Variants in GLRX2 observed in about 807,000 individuals in gnomAD.
The protein encoded by GLRX2 is bA101E13.1 (GRX2 glutaredoxin (thioltransferase) 2).
GLRX2 carries 12 observed loss-of-function variants against 16.4 expected under a neutral mutation model. That is an observed-to-expected ratio of 0.73 (90% CI 0.47 to 1.19). The LOEUF is 1.19. GLRX2 is among the 50% of genes most tolerant of loss of function. The pLI, the probability that GLRX2 is intolerant of heterozygous loss-of-function variation, is 0.00. For synonymous variants in GLRX2, 95 were observed against 76.2 expected, an observed-to-expected ratio of 1.25 and a Z score of -1.28; for missense variants, 201 against 201.8, an observed-to-expected ratio of 1.00 and a Z score of 0.02.
At chr1:193,103,723 G>A (rs535127193) in intron 1 of GLRX2, among the ~76,000 whole-genome samples, 1 of 151,992 alleles carries the variant, frequency 6.6e-6, no homozygotes, top group African/African-American at 2.4e-5. Context: ...TAAGAGACAG[G>A]AATTAAACAT....
intron 2 of GLRX2, among the ~76,000 whole-genome samples, chr1:193,098,806 C>T (rs564237469): frequency 6.6e-6 from 1 of 152,264 alleles, no homozygotes; most frequent in African/African-American, 2.4e-5. Flanking sequence ...CCGCCTCAGC[C>T]TCCCAAAGTG....
At chr1:193,097,444 A>C in intron 3 of GLRX2, 140 bp downstream of exon 3, 1 of 555,280 alleles carries the variant, frequency 1.8e-6, no homozygotes, top group Middle Eastern at 2.8e-4. Flanking sequence ...CTATTCTAAG[A>C]ATCTGGTTCC....
intron 1 of GLRX2, among the ~76,000 whole-genome samples, chr1:193,104,212 C>G (rs890247429): frequency 1.3e-5 from 2 of 152,204 alleles, no homozygotes; most frequent in Non-Finnish European, 2.9e-5. Flanking sequence ...CACCCTTTCC[C>G]TTCAATTTCT....
At chr1:193,100,662 T>C (rs1241151623) in intron 2 of GLRX2, among the ~76,000 whole-genome samples, 2 of 140,656 alleles carry the variant, frequency 1.4e-5, no homozygotes, top group Non-Finnish European at 2.9e-5. Flanking sequence ...GTAAGAGAGA[T>C]TTTCTAAGGC....
upstream of GLRX2, chr1:193,105,435 G>C: frequency 6.9e-7 from 1 of 1,457,154 alleles, no homozygotes; most frequent in African/African-American, 1.5e-5. Context: ...GCGGATCCCG[G>C]GAGCCCGCCT....
At chr1:193,101,863 T>C (rs1675083593) in intron 1 of GLRX2, among the ~76,000 whole-genome samples, 1 of 152,124 alleles carries the variant, frequency 6.6e-6, no homozygotes, top group Non-Finnish European at 1.5e-5. Flanking sequence ...ACCTAGCTAT[T>C]GGGAGCTTGT....
chr1:193,105,549 G>A (rs1021340973), upstream of GLRX2: 18 of 1,596,398 alleles, frequency 1.1e-5, no homozygotes, highest in Non-Finnish European at 1.5e-5. Context: ...TCCCAGGGCT[G>A]CCCGAGCGCT....
chr1:193,105,602 G>A, upstream of GLRX2: 1 of 1,606,592 alleles, frequency 6.2e-7, no homozygotes, highest in Non-Finnish European at 8.5e-7. Context: ...TCCTTTAGAG[G>A]GGAGAAGCGG....
rs34833502 is a variant in GLRX2, at chr1:193,099,336, T to G, written c.184-1576A>C. ...GCACCCAGACATTTGTCTAGGTTTT[T>G]TTTTGTTTTGTTTTGTTTTTGTTTG... On this transcript the variant is annotated intron_variant, in intron 2 of 3. Coordinates refer to ENST00000367439, the MANE Select transcript of GLRX2 (RefSeq NM_197962.3). Among the ~76,000 whole-genome samples the G allele has an allele frequency of 0.048, 7,283 of 152,220 alleles. 751 individuals are homozygous for G. In the East Asian group the frequency reaches 0.49, roughly 10 times the overall value.
At chr1:193,097,332 A>G (rs1674979258) in intron 3 of GLRX2, among the ~76,000 whole-genome samples, 1 of 152,186 alleles carries the variant, frequency 6.6e-6, no homozygotes, top group African/African-American at 2.4e-5. Flanking sequence ...TCCAAGAGGA[A>G]CTCAAAGATC....
chr1:193,102,383 G>C (rs546339318), intron 1 of GLRX2, among the ~76,000 whole-genome samples: 18 of 152,066 alleles, frequency 1.2e-4, no homozygotes, highest in Non-Finnish European at 2.1e-4. Flanking sequence ...ATGGAGTCTT[G>C]CTCTGTCACC....
intron 1 of GLRX2, among the ~76,000 whole-genome samples, chr1:193,103,329 C>A (rs1572129327): frequency 6.6e-6 from 1 of 152,154 alleles, no homozygotes; most frequent in Middle Eastern, 3.4e-3. Context: ...CTTAGTTAAG[C>A]CAGAAAAGGT....
At chr1:193,098,594 T>C (rs1164139868) in intron 2 of GLRX2, among the ~76,000 whole-genome samples, 1 of 152,174 alleles carries the variant, frequency 6.6e-6, no homozygotes, top group African/African-American at 2.4e-5. Flanking sequence ...AGTCTCACTG[T>C]GTCCCCCAGG....
upstream of GLRX2, chr1:193,105,606 G>C: frequency 6.2e-7 from 1 of 1,606,068 alleles, no homozygotes; most frequent in Non-Finnish European, 8.5e-7. Flanking sequence ...TTAGAGGGGA[G>C]AAGCGGCTCA....
chr1:193,102,361 C>G (rs892016852), intron 1 of GLRX2, among the ~76,000 whole-genome samples: 2 of 152,068 alleles, frequency 1.3e-5, no homozygotes, highest in East Asian at 3.9e-4. Context: ...AAATATTAGT[C>G]TTCTTTTTGA....
chr1:193,104,608 ACCGCC>A (rs1675147035), intron 1 of GLRX2, among the ~76,000 whole-genome samples: 1 of 152,230 alleles, frequency 6.6e-6, no homozygotes, highest in African/African-American at 2.4e-5. Context: ...AGCCGGCAGG[ACCGCC>A]AGGCACCAGC....
At chr1:193,105,466 T>C, upstream of GLRX2, 2 of 1,445,632 alleles carry the variant, frequency 1.4e-6, no homozygotes, top group East Asian at 2.9e-5. Flanking sequence ...GGCCCCCGCC[T>C]TGCCCCGCCC....
At chr1:193,101,468 C>G (rs1223117799) in intron 1 of GLRX2, among the ~76,000 whole-genome samples, 1 of 152,174 alleles carries the variant, frequency 6.6e-6, no homozygotes, top group Non-Finnish European at 1.5e-5. Context: ...TAAAGCTTGA[C>G]ACACTCTTAT....
intron 1 of GLRX2, among the ~76,000 whole-genome samples, chr1:193,101,470 C>T (rs904844368): frequency 4.6e-5 from 7 of 152,336 alleles, no homozygotes; most frequent in Admixed American, 2.6e-4. Flanking sequence ...AAGCTTGACA[C>T]ACTCTTATTT....
Sources: gnomAD v4.1 joint callset for allele counts (sites outside exome capture counted in the v4.1 genomes callset) on GRCh38, gnomAD v4.1.1 for gene constraint, MANE v1.5 for transcripts, NCBI Gene and HGNC (gene_info 2026-07-23, HGNC 2026-07-21) for gene names.